The following GALNT16 variants were observed in gnomAD, a reference collection of about 807,000 sequenced individuals.
The protein encoded by GALNT16 is UDP-GalNAc:polypeptide N-acetylgalactosaminyltransferase-like protein 1.
Under a neutral mutation model 76.1 loss-of-function variants are expected in GALNT16, and 40 were observed. That is an observed-to-expected ratio of 0.53 (90% confidence interval 0.41 to 0.68). The LOEUF (loss-of-function observed/expected upper bound fraction) is 0.68, where lower values mean the gene tolerates loss of function less well. Among genes scored for constraint, GALNT16 ranks in the 30% least tolerant of loss-of-function variants. GALNT16 has a pLI of 0.00. For synonymous variants in GALNT16, 276 were observed against 285.2 expected (o/e 0.97, Z 0.32); for missense variants, 621 against 731.9 (o/e 0.85, Z 1.75).
Position 69,352,936 on chromosome 14 carries a change from G to A in GALNT16, c.*768G>A, listed in dbSNP as rs558279828. On this transcript the variant is annotated 3_prime_UTR_variant, in exon 15 of 15. Transcript: ENST00000448469. ...GTGGGTGCCCACATTCTTAGCAAGAGGCTGCAGAGGGATCTTTAGGGGAAG... is the reference window on the plus strand; with the variant it reads ...GTGGGTGCCCACATTCTTAGCAAGAAGCTGCAGAGGGATCTTTAGGGGAAG... 1.3e-5 allele frequency among the ~76,000 whole-genome samples: 2 copies of A among 152,312 alleles called. No homozygotes were observed. The highest frequency in any genetic ancestry group is 2.1e-4 in the South Asian group (1 of 4,828).
intron 1 of GALNT16, among the ~76,000 whole-genome samples, chr14:69,313,193 C>A (rs1216057419): frequency 6.6e-6 from 1 of 152,256 alleles, no homozygotes; most frequent in African/African-American, 2.4e-5. Context: ...CTCTGGGCTA[C>A]AGCAGCTGTG....
the GALNT16 span, among the ~76,000 whole-genome samples, chr14:69,381,740 G>A: frequency 6.6e-6 from 1 of 152,120 alleles, no homozygotes; most frequent in East Asian, 1.9e-4. Context: ...TCAGTCTGGA[G>A]TGCAGTGGTG....
intron 10 of GALNT16, 61 bp downstream of exon 10, chr14:69,338,838 C>T (rs2045447358): frequency 2.1e-6 from 3 of 1,399,818 alleles, no homozygotes; most frequent in Non-Finnish European, 3.0e-6. Flanking sequence ...AAGCCCCCAG[C>T]CTTGCCAGTT....
rs556954532 is a variant in GALNT16, at chr14:69,338,694, C to G, written c.1011C>G (p.Ile337Met). 1 of 1,613,546 alleles carries G rather than the reference C, an allele frequency of 6.2e-7. No individual in the cohort carries two copies. ...RVWMCGGSLEIVPCSRVGHVF... is the reference protein window; with the variant it reads ...RVWMCGGSLEMVPCSRVGHVF... ...GGATGTGTGGTGGCAGTCTGGAGATCGTCCCCTGCAGCCGGGTGGGCCATG... is the reference window on the plus strand; with the variant it reads ...GGATGTGTGGTGGCAGTCTGGAGATGGTCCCCTGCAGCCGGGTGGGCCATG... The change falls in exon 10 of 15, where the codon ATC becomes ATG. Residue 337 changes from isoleucine (I) to methionine (M), a missense_variant. By Grantham distance (10) the Ile-to-Met change is conservative. Transcript: ENST00000448469.
intron 1 of GALNT16, among the ~76,000 whole-genome samples, chr14:69,310,422 C>G (rs2045001198): frequency 6.6e-6 from 1 of 152,084 alleles, no homozygotes; most frequent in Non-Finnish European, 1.5e-5. Context: ...GAATGTATGT[C>G]TTTACATCAC....
chr14:69,356,210 T>G (rs58553067), downstream of GALNT16: 67,371 of 151,988 alleles, frequency 0.44, 15,153 homozygotes, highest in Middle Eastern at 0.6. Flanking sequence ...CTCCTGGGCT[T>G]GCAGCTGGGC....
At chr14:69,260,596 T>C in intron 1 of GALNT16, 129 bp downstream of exon 1, 1 of 574,558 alleles carries the variant, frequency 1.7e-6, no homozygotes, top group Non-Finnish European at 2.5e-6. Flanking sequence ...GCTTTGTATA[T>C]GTTGGAGCAT....
intron 1 of GALNT16, among the ~76,000 whole-genome samples, chr14:69,288,059 A>G (rs547649952): frequency 7.2e-5 from 11 of 152,314 alleles, no homozygotes; most frequent in Middle Eastern, 3.4e-3. Flanking sequence ...GCAAACTGAC[A>G]GTGTCTGCCA....
In GALNT16 at chr14:69,292,274, C is replaced by T. The variant is rs376198278; in HGVS notation, c.178-28437C>T. 3.1e-4 allele frequency among the ~76,000 whole-genome samples: 48 copies of T among 152,386 alleles called. No homozygotes were observed. The South Asian group carries it at 9.9e-3, about 32-fold the overall frequency. On this transcript the variant is annotated intron_variant, in intron 1 of 14. Transcript: ENST00000448469. ...GAGCCGGGACTCCCATCCAGGTTGC[C>T]TCATTCCTGAGTTAGTGCTCTTAGC... is the stretch of plus-strand genomic sequence containing the variant.
At position 69,351,926 on chromosome 14, in the gene GALNT16, TTA is replaced by T. The variant is rs1432492916; in HGVS notation, c.1540-100_1540-99del. 5 of 1,069,992 alleles carry T rather than the reference TTA, an allele frequency of 4.7e-6. No individual in the cohort carries two copies. The African/African-American group carries it at 6.3e-5, about 14-fold the overall frequency. The allele number at this position is 1,069,992 out of a possible 1,614,324, so 66.3% of individuals were successfully genotyped here. ...AAAGGAGGAGGGGGATGTGTCCTAG[TTA>T]TATACAAGGGCTGTGTGCATACATG... On this transcript the variant is annotated intron_variant, in intron 14 of 14. Transcript: ENST00000448469.
At chr14:69,348,031 C>T in intron 14 of GALNT16, 29 bp downstream of exon 14, 1 of 1,612,462 alleles carries the variant, frequency 6.2e-7, no homozygotes, top group East Asian at 2.2e-5. Flanking sequence ...GGCCCAGAGG[C>T]CCAGCAGCCC....
At chr14:69,324,869 C>A in intron 3 of GALNT16, 79 bp downstream of exon 3, 1 of 894,608 alleles carries the variant, frequency 1.1e-6, no homozygotes, top group Non-Finnish European at 1.7e-6. Context: ...GGCCAGACAG[C>A]TTGAAGCCCA....
chr14:69,333,858 C>T lies in GALNT16; in HGVS notation c.967+258C>T. Reference sequence around the variant, plus strand: ...CAAAGAGGTTCTATTTAGGGGGAGCCCGTGGTCACATGGCTGGACATGTGT... The same window carrying T: ...CAAAGAGGTTCTATTTAGGGGGAGCTCGTGGTCACATGGCTGGACATGTGT... On this transcript the variant is annotated intron_variant, in intron 9 of 14. Transcript: ENST00000448469. This position sits in a 1 kb window ranked among gnomAD's most constrained non-coding sequence, Gnocchi z 4.2. 1 of 446,958 alleles carries T rather than the reference C, an allele frequency of 2.2e-6. No individual in the cohort carries two copies. The highest frequency in any genetic ancestry group is 4.0e-6 in the Non-Finnish European group (1 of 252,652). The allele number at this position is 446,958 out of a possible 1,614,324, so 27.7% of individuals were successfully genotyped here.
intron 10 of GALNT16, 47 bp from the exon 11 acceptor site, chr14:69,339,480 C>G (rs2045456778): frequency 9.0e-7 from 1 of 1,109,620 alleles, no homozygotes; most frequent in East Asian, 2.3e-5. Flanking sequence ...ACCGCTAACC[C>G]TGTTGCTTCC....
the GALNT16 span, among the ~76,000 whole-genome samples, chr14:69,364,713 A>C: frequency 6.6e-6 from 1 of 152,206 alleles, no homozygotes; most frequent in Non-Finnish European, 1.5e-5. This position sits in a 1 kb window ranked among gnomAD's most constrained non-coding sequence, Gnocchi z 4.2. Context: ...CCTGAAGGTC[A>C]TAATTCCTTG....
chr14:69,318,094 C>T (rs930475026), intron 1 of GALNT16, among the ~76,000 whole-genome samples: 2 of 152,208 alleles, frequency 1.3e-5, no homozygotes, highest in Admixed American at 1.3e-4. Context: ...CAAGGAACAG[C>T]AGGGTCATCC....
chr14:69,324,572 T>C, intron 2 of GALNT16, 120 bp from the exon 3 acceptor site: 1 of 546,180 alleles, frequency 1.8e-6, no homozygotes. Context: ...GGCCTGGCTG[T>C]TGGTGTGCCT....
intron 7 of GALNT16, chr14:69,332,680 G>A (rs2045366344): frequency 5.9e-6 from 1 of 170,728 alleles, no homozygotes; most frequent in Non-Finnish European, 1.3e-5. Context: ...GGCACTGGCA[G>A]CTGCCCCTGC....
chr14:69,381,515 C>T, the GALNT16 span, among the ~76,000 whole-genome samples: 5 of 151,514 alleles, frequency 3.3e-5, no homozygotes, highest in South Asian at 2.1e-4. Flanking sequence ...CTAATCAGAA[C>T]GAAAAGGAGT....
Sources: gnomAD v4.1 joint callset for allele counts (sites outside exome capture counted in the v4.1 genomes callset) on GRCh38, gnomAD v4.1.1 for gene constraint, Gnocchi (gnomAD v3.1) non-coding constraint, MANE v1.5 for transcripts, NCBI Gene and HGNC (gene_info 2026-07-23, HGNC 2026-07-21) for gene names.